Variants in MYO5C observed in about 807,000 individuals in gnomAD.
MYO5C encodes the protein myosin VC, also known as unconventional myosin-Vc.
Under a neutral mutation model 235.7 loss-of-function variants are expected in MYO5C, and 194 were observed. The ratio of observed to expected loss-of-function variants is 0.82; its 90% confidence interval spans 0.73 to 0.93. The LOEUF (loss-of-function observed/expected upper bound fraction) is 0.93. MYO5C is among the 40% of genes least tolerant of loss of function. MYO5C has a pLI of 0.00. For missense variants in MYO5C, 2,038 were observed against 2,127.2 expected (o/e 0.96, Z 0.82); for synonymous variants, 707 against 754.8 (o/e 0.94, Z 1.04).
At chr15:52,292,030 C>T (rs1003108691) in intron 1 of MYO5C, among the ~76,000 whole-genome samples, 11 of 152,106 alleles carry the variant, frequency 7.2e-5, no homozygotes, top group African/African-American at 2.7e-4. Flanking sequence ...TGAGCCACCG[C>T]ACCCGGCCGC....
At chr15:52,255,613 T>G (rs970709900) in intron 11 of MYO5C, among the ~76,000 whole-genome samples, 2 of 152,226 alleles carry the variant, frequency 1.3e-5, no homozygotes, top group Admixed American at 6.5e-5. Context: ...TTAATTTCAT[T>G]GACTTCTGTT....
At chr15:52,256,503 C>T in intron 11 of MYO5C, 136 bp downstream of exon 11, 1 of 615,488 alleles carries the variant, frequency 1.6e-6, no homozygotes, top group East Asian at 2.8e-5. Context: ...AGTGACCCAG[C>T]GTGAGGCTCC....
At chr15:52,229,959 G>A (rs1707102528) in intron 24 of MYO5C, among the ~76,000 whole-genome samples, 1 of 151,850 alleles carries the variant, frequency 6.6e-6, no homozygotes, top group Admixed American at 6.5e-5. Flanking sequence ...GGAAGGGCCA[G>A]TTTCCTTCAG....
At chr15:52,260,767 G>T in intron 10 of MYO5C, 95 bp downstream of exon 10, 2 of 1,356,844 alleles carry the variant, frequency 1.5e-6, no homozygotes, top group Non-Finnish European at 2.0e-6. Flanking sequence ...TTCTAATCAT[G>T]TGAAATACAA....
chr15:52,235,776 A>AG lies in MYO5C; in HGVS notation c.2869-14dup, dbSNP rs772359715. On this transcript the variant is annotated splice_polypyrimidine_tract_variant and intron_variant, in intron 22 of 40. Transcript: ENST00000261839. Reference sequence around the variant, plus strand: ...GCTTTGCCAATTTCTAGCAGAGGGAAGGGGGAAAAACAAACTTTTTTGAAA... The same window carrying AG: ...GCTTTGCCAATTTCTAGCAGAGGGAAGGGGGGAAAAACAAACTTTTTTGAAA... 1 of 1,593,434 alleles carries AG rather than the reference A, an allele frequency of 6.3e-7. No individual in the cohort carries two copies. Among genetic ancestry groups the AG allele is most frequent in the Non-Finnish European group, 8.6e-7 (1 of 1,168,340 alleles).
At position 52,223,674 on chromosome 15, in the gene MYO5C, A is replaced by G. The variant is rs1184999883; in HGVS notation, c.3497T>C (p.Ile1166Thr). ...QSQKDCYEKE[I>T]EALNFKVVHL... ...CACCACTTTGAAGTTCAAAGCTTCA[A>G]TCTCCTTTTCATAGCAATCCTTCTG... The change falls in exon 29 of 41, where the codon ATT (isoleucine) becomes ACT (threonine). Residue 1166 changes from isoleucine (I) to threonine (T), a missense_variant. Ile to Thr is a moderately conservative substitution (Grantham distance 89). Transcript: ENST00000261839. 1.4e-5 allele frequency: 23 copies of G among 1,614,138 alleles called. No homozygotes were observed. The highest frequency in any genetic ancestry group is 5.5e-5 in the South Asian group (5 of 91,074).
At chr15:52,278,787 T>A in intron 4 of MYO5C, 86 bp downstream of exon 4, 2 of 1,508,044 alleles carry the variant, frequency 1.3e-6, no homozygotes, top group East Asian at 2.3e-5. Context: ...GAGCCCAACC[T>A]AGATATCTCC....
chr15:52,195,069 GTC>G (rs1188836689), intron 40 of MYO5C, among the ~76,000 whole-genome samples: 4 of 152,058 alleles, frequency 2.6e-5, no homozygotes, highest in Non-Finnish European at 5.9e-5. Flanking sequence ...AAGAAAAATG[GTC>G]TCTGTTTCCA....
At chr15:52,263,914 T>C (rs2036746205) in intron 9 of MYO5C, among the ~76,000 whole-genome samples, 1 of 152,198 alleles carries the variant, frequency 6.6e-6, no homozygotes, top group Non-Finnish European at 1.5e-5. Flanking sequence ...CCAGATGCTA[T>C]GACAGTCCGT....
chr15:52,260,988 T>C lies in MYO5C; in HGVS notation c.1187A>G (p.Asn396Ser), dbSNP rs769502645. 1 of 1,614,224 alleles carries C rather than the reference T, an allele frequency of 6.2e-7. No homozygotes were observed. The highest frequency in any genetic ancestry group is 8.5e-7 in the Non-Finnish European group (1 of 1,180,038). ...VKPMTRPQAV[N>S]ARDALAKKIY... ...CTTTTTGGCCAGTGCATCCCTGGCG[T>C]TGACAGCCTGAGGCCTGGTCATGGG... The change falls in exon 10 of 41, where the codon AAC (asparagine) becomes AGC (serine). Residue 396 changes from asparagine to serine, a missense_variant. Physicochemically the swap from Asn to Ser is conservative, Grantham distance 46. Coordinates refer to ENST00000261839, the MANE Select transcript of MYO5C (RefSeq NM_018728.4).
chr15:52,224,933 C>A lies in MYO5C; in HGVS notation c.3414G>T (p.Trp1138Cys). Residue 1138 changes from tryptophan to cysteine, a missense_variant, in exon 28 of 41, where the codon TGG becomes TGT. By Grantham distance (215) the Trp-to-Cys change is radical. Transcript: ENST00000261839. ...CTTTCTTTAGTCCTTCATAAGCAAA[C>A]CAAAGTTCTCCATCCTCATTTAAAT... ...LEHLNEDGEL[W>C]FAYEGLKKAT... The A allele has an allele frequency of 6.2e-7, 1 of 1,613,924 alleles. No individual in the cohort carries two copies.
chr15:52,207,178 G>A (rs2035339066), intron 36 of MYO5C, among the ~76,000 whole-genome samples: 1 of 151,816 alleles, frequency 6.6e-6, no homozygotes, highest in Admixed American at 6.6e-5. Flanking sequence ...ATTGTGGTAA[G>A]AGACAGAGGT....
At chr15:52,239,430 T>C (rs1010869818) in intron 21 of MYO5C, among the ~76,000 whole-genome samples, 2 of 151,538 alleles carry the variant, frequency 1.3e-5, no homozygotes, top group Non-Finnish European at 2.9e-5. Flanking sequence ...AATTAGGAGG[T>C]ACCTTTGCCT....
At chr15:52,269,387 T>TC in intron 8 of MYO5C, among the ~76,000 whole-genome samples, 1 of 5,474 alleles carries the variant, frequency 1.8e-4, no homozygotes, top group African/African-American at 2.1e-4. Context: ...CACCTTTTAA[T>TC]TTTTTTTTTT....
intron 32 of MYO5C, among the ~76,000 whole-genome samples, chr15:52,216,556 G>A (rs2035557776): frequency 6.6e-6 from 1 of 151,786 alleles, no homozygotes; most frequent in African/African-American, 2.4e-5. Flanking sequence ...ACCTAGTTTT[G>A]ATTTTGAATT....
At chr15:52,246,099 TAA>T (rs2036337866) in intron 16 of MYO5C, 57 bp from the exon 17 acceptor site, 2 of 1,399,240 alleles carry the variant, frequency 1.4e-6, no homozygotes, top group Admixed American at 1.7e-5. Context: ...AACATGCCCA[TAA>T]ACAGGCACAG....
chr15:52,292,989 G>A (rs1343504473), intron 1 of MYO5C, among the ~76,000 whole-genome samples: 1 of 152,228 alleles, frequency 6.6e-6, no homozygotes, highest in East Asian at 1.9e-4. Context: ...CCTCGTGGCT[G>A]GTCAGTGAGT....
rs1410558410 is a variant in MYO5C at position 52,232,197 on chromosome 15, AGG to A, written c.3026+423_3026+424del. Among the ~76,000 whole-genome samples, 1,909 of 83,366 alleles carry A rather than the reference AGG, an allele frequency of 0.023. 548 individuals carry two copies. The East Asian group carries it at 0.34, about 15-fold the overall frequency. 54.7% of individuals were successfully genotyped at this position (83,366 alleles called of 152,430 possible). A position where few individuals can be genotyped will look rare whatever the true frequency, so the allele number is the denominator to read the frequency against. ...AAGGGAGGAAGGGAGGAAGGGAGGA[AGG>A]AAGGAAGGAAAAGAAAGAAAATGAA... On this transcript the variant is annotated intron_variant, in intron 24 of 40. Transcript: ENST00000261839.
chr15:52,271,653 T>C (rs2036928119), intron 7 of MYO5C, 110 bp downstream of exon 7: 3 of 597,792 alleles, frequency 5.0e-6, no homozygotes, highest in Non-Finnish European at 8.1e-6. Flanking sequence ...AAGAATCTTG[T>C]ATCTTTGGGC....
Sources: gnomAD v4.1 joint callset for allele counts (sites outside exome capture counted in the v4.1 genomes callset) on GRCh38, gnomAD v4.1.1 for gene constraint, MANE v1.5 for transcripts, NCBI Gene and HGNC (gene_info 2026-07-23, HGNC 2026-07-21) for gene names.